RAP1A: variants seen among roughly 807,000 people sequenced by gnomAD.
RAP1A encodes ras-related protein Rap-1A.
A neutral mutation model predicts 26.4 loss-of-function variants in RAP1A; 6 were observed. That is an observed-to-expected ratio of 0.23 (90% CI 0.12 to 0.45). The LOEUF is 0.45. Ranked by LOEUF, RAP1A falls within the 20% of genes least tolerant of loss-of-function variation. RAP1A has a pLI of 0.99. For synonymous variants in RAP1A, 73 were observed against 79.4 expected, an observed-to-expected ratio of 0.92 and a Z score of 0.43; for missense variants, 121 against 217.2, an observed-to-expected ratio of 0.56 and a Z score of 2.78.
At chr1:111,564,282 T>A (rs1387052131) in intron 1 of RAP1A, among the ~76,000 whole-genome samples, 1 of 152,194 alleles carries the variant, frequency 6.6e-6, no homozygotes, top group Non-Finnish European at 1.5e-5. Context: ...TAACCTTCCC[T>A]GTGATAGTCT....
At chr1:111,661,445 AGTAAT>A (rs1468332359) in intron 1 of RAP1A, among the ~76,000 whole-genome samples, 1 of 152,174 alleles carries the variant, frequency 6.6e-6, no homozygotes, top group East Asian at 1.9e-4. Flanking sequence ...GATTCTCTGA[AGTAAT>A]GTATTTATAT....
intron 1 of RAP1A, among the ~76,000 whole-genome samples, chr1:111,607,968 G>C (rs1185248204): frequency 1.1e-5 from 1 of 92,422 alleles, no homozygotes; most frequent in Non-Finnish European, 2.2e-5. Flanking sequence ...TCACCTCCCG[G>C]ACGGGGCAGC....
intron 1 of RAP1A, among the ~76,000 whole-genome samples, chr1:111,673,010 G>A (rs768587742): frequency 2.0e-5 from 3 of 152,022 alleles, no homozygotes; most frequent in Non-Finnish European, 2.9e-5. Context: ...GAAACCTTTG[G>A]GTGTATCCTC....
chr1:111,545,359 T>G (rs185337619), intron 1 of RAP1A, among the ~76,000 whole-genome samples: 1 of 152,262 alleles, frequency 6.6e-6, no homozygotes, highest in East Asian at 1.9e-4. Flanking sequence ...TAATTTGCAT[T>G]TGTGTAATGA....
rs142601971 is a variant in RAP1A, at chr1:111,624,746, C to A, written c.-28+4812C>A. Among the ~76,000 whole-genome samples the A allele has an allele frequency of 3.3e-5, 5 of 152,170 alleles. No homozygotes were observed. In the South Asian group the frequency reaches 1.0e-3, roughly 32 times the overall value. ...AAGGTAGAGTTGAAACAGGAAATAA[C>A]GTGCGTTTATAAGTGGTTTAAAAAT... is the stretch of plus-strand genomic sequence containing the variant. On this transcript the variant is annotated intron_variant, in intron 1 of 7. Coordinates refer to ENST00000369709, the MANE Select transcript of RAP1A (RefSeq NM_002884.4).
chr1:111,646,838 C>T (rs906256088), intron 1 of RAP1A, among the ~76,000 whole-genome samples: 4 of 152,206 alleles, frequency 2.6e-5, no homozygotes, highest in South Asian at 2.1e-4. Flanking sequence ...CGCGCACAGA[C>T]GAGTGGAACA....
At chr1:111,712,276 T>C (rs1662408094) in intron 7 of RAP1A, among the ~76,000 whole-genome samples, 155 bp from the exon 8 acceptor site, 2 of 152,164 alleles carry the variant, frequency 1.3e-5, no homozygotes, top group South Asian at 4.1e-4. Flanking sequence ...AAAATAGCAC[T>C]GTTACTGTAG....
chr1:111,653,290 T>G (rs1660333720), intron 1 of RAP1A, among the ~76,000 whole-genome samples: 1 of 152,164 alleles, frequency 6.6e-6, no homozygotes. Context: ...GGATATGTTT[T>G]TTTTTGGGAG....
At chr1:111,622,989 G>GT (rs1234072723) in intron 1 of RAP1A, among the ~76,000 whole-genome samples, 3 of 151,826 alleles carry the variant, frequency 2.0e-5, no homozygotes, top group African/African-American at 4.8e-5. Context: ...GTTGGTAATT[G>GT]TTTTTTTTCC....
intron 1 of RAP1A, among the ~76,000 whole-genome samples, chr1:111,601,218 G>A (rs950323534): frequency 1.9e-4 from 29 of 152,204 alleles, no homozygotes; most frequent in African/African-American, 6.3e-4. Flanking sequence ...GGTGATCACC[G>A]TGGGATCTTT....
intron 4 of RAP1A, among the ~76,000 whole-genome samples, chr1:111,702,207 G>A (rs1257399585): frequency 3.9e-5 from 6 of 152,136 alleles, no homozygotes; most frequent in Non-Finnish European, 2.9e-5. Context: ...TACGTTTAAT[G>A]CATCCAGAGG....
intron 1 of RAP1A, among the ~76,000 whole-genome samples, chr1:111,585,072 A>C (rs1470971634): frequency 2.0e-5 from 3 of 152,240 alleles, no homozygotes; most frequent in Non-Finnish European, 1.5e-5. Flanking sequence ...AGAAAGAGAT[A>C]AGTCTGTCTC....
At chr1:111,648,232 C>T in intron 1 of RAP1A, 1 of 467,794 alleles carries the variant, frequency 2.1e-6, no homozygotes, top group South Asian at 1.9e-5. Context: ...TTCCAGTGAC[C>T]TTTGAACTTT....
chr1:111,590,487 G>C (rs895334906), intron 1 of RAP1A, among the ~76,000 whole-genome samples: 6 of 152,030 alleles, frequency 3.9e-5, no homozygotes, highest in Admixed American at 6.5e-5. Context: ...TGTTTACTGT[G>C]AATTAAATTT....
chr1:111,637,427 A>G (rs1659758753), intron 1 of RAP1A, among the ~76,000 whole-genome samples: 1 of 152,192 alleles, frequency 6.6e-6, no homozygotes, highest in South Asian at 2.1e-4. Flanking sequence ...ATATTTGTTT[A>G]TGTATTGTAT....
intron 1 of RAP1A, among the ~76,000 whole-genome samples, chr1:111,688,816 T>G (rs1030423157): frequency 1.1e-4 from 8 of 72,640 alleles, no homozygotes; most frequent in African/African-American, 1.6e-4. Flanking sequence ...TTGTTTTTTT[T>G]TTTTTGTTTT....
At chr1:111,662,538 C>A (rs1660674103) in intron 1 of RAP1A, among the ~76,000 whole-genome samples, 1 of 151,970 alleles carries the variant, frequency 6.6e-6, no homozygotes, top group South Asian at 2.1e-4. Context: ...TTGTGTAGAA[C>A]TGTAGCACTT....
At chr1:111,578,319 A>G (rs1295300651) in intron 1 of RAP1A, among the ~76,000 whole-genome samples, 1 of 152,020 alleles carries the variant, frequency 6.6e-6, no homozygotes, top group Non-Finnish European at 1.5e-5. Context: ...AAGGTGGTAG[A>G]GCAATAGATA....
At chr1:111,690,264 A>G (rs914818039) in intron 1 of RAP1A, among the ~76,000 whole-genome samples, 1 of 152,162 alleles carries the variant, frequency 6.6e-6, no homozygotes, top group African/African-American at 2.4e-5. Context: ...TAGTTTTTCA[A>G]CAAGGAAGAC....
Sources: allele counts gnomAD v4.1 joint callset (sites outside exome capture counted in the v4.1 genomes callset), GRCh38; gene constraint gnomAD v4.1.1; transcripts MANE v1.5; gene names NCBI Gene and HGNC (gene_info 2026-07-23, HGNC 2026-07-21).